The following WDR11 variants were observed in gnomAD, a reference collection of about 807,000 sequenced individuals.
WDR11 encodes the protein WD repeat-containing protein 11.
In WDR11, 83 loss-of-function variants were observed where a neutral mutation model predicts 151.2. That is an observed-to-expected ratio of 0.55 (90% confidence interval 0.46 to 0.66). The LOEUF is 0.66. Ranked by LOEUF, WDR11 falls within the 30% of genes least tolerant of loss-of-function variation. The pLI is 0.00. For missense variants in WDR11, 1,301 were observed against 1,480.9 expected, an observed-to-expected ratio of 0.88 and a Z score of 1.99; for synonymous variants, 484 against 533.1, an observed-to-expected ratio of 0.91 and a Z score of 1.27.
At chr10:120,889,849 G>C in intron 17 of WDR11, 46 bp from the exon 18 acceptor site, 1 of 1,308,214 alleles carries the variant, frequency 7.6e-7, no homozygotes, top group Non-Finnish European at 1.1e-6. Context: ...CTGGTGACCA[G>C]ATCTCACTCT....
chr10:120,868,296 A>G (rs933601943), intron 9 of WDR11, among the ~76,000 whole-genome samples: 1 of 152,026 alleles, frequency 6.6e-6, no homozygotes, highest in Non-Finnish European at 1.5e-5. Context: ...TCTACTAAAA[A>G]TATAAGAATT....
At chr10:120,861,348 G>A (rs1846133093) in intron 4 of WDR11, among the ~76,000 whole-genome samples, 1 of 152,186 alleles carries the variant, frequency 6.6e-6, no homozygotes, top group Non-Finnish European at 1.5e-5. Context: ...TTTTATGTAT[G>A]TAAATGTTTG....
chr10:120,854,653 G>A (rs1337592646), intron 2 of WDR11, among the ~76,000 whole-genome samples: 1 of 152,076 alleles, frequency 6.6e-6, no homozygotes, highest in East Asian at 1.9e-4. Context: ...CCTCACCAAC[G>A]CTTGCTGTTC....
At chr10:120,893,110 C>A (rs1373354404) in intron 19 of WDR11, among the ~76,000 whole-genome samples, 10 of 151,144 alleles carry the variant, frequency 6.6e-5, no homozygotes, top group African/African-American at 2.4e-4. Context: ...GTGTGCTGCA[C>A]CCATTAACTC....
At chr10:120,889,234 A>T (rs1203191804) in intron 17 of WDR11, 50 bp downstream of exon 17, 1 of 998,830 alleles carries the variant, frequency 1.0e-6, no homozygotes, top group Non-Finnish European at 1.5e-6. Flanking sequence ...AAAGAAATGA[A>T]ATCTTTTTGT....
intron 23 of WDR11, among the ~76,000 whole-genome samples, chr10:120,903,717 A>G (rs1847926966): frequency 6.6e-6 from 1 of 152,176 alleles, no homozygotes. Flanking sequence ...ATAAATAACA[A>G]ATACTTTATA....
At chr10:120,886,067 C>A in intron 15 of WDR11, 129 bp downstream of exon 15, 1 of 1,169,346 alleles carries the variant, frequency 8.6e-7, no homozygotes, top group Non-Finnish European at 1.2e-6. Context: ...TTAGTTTCAT[C>A]TTTCAGTACA....
intron 2 of WDR11, among the ~76,000 whole-genome samples, chr10:120,858,192 T>G (rs1234480514): frequency 2.0e-5 from 3 of 152,158 alleles, no homozygotes; most frequent in Non-Finnish European, 4.4e-5. Flanking sequence ...AGCTAGAGTT[T>G]TTTGTTTGAC....
chr10:120,880,003 A>G (rs887636536), intron 12 of WDR11: 5 of 152,198 alleles, frequency 3.3e-5, no homozygotes, highest in Non-Finnish European at 7.3e-5. Flanking sequence ...CCAGTTTATA[A>G]AGATGTTTTG....
At chr10:120,906,298 C>T in intron 27 of WDR11, 4 of 1,315,268 alleles carry the variant, frequency 3.0e-6, no homozygotes, top group Non-Finnish European at 3.9e-6. Context: ...AATTGGGGTC[C>T]ATTCAGCTTT....
intron 27 of WDR11, 65 bp from the exon 28 acceptor site, chr10:120,906,711 C>T (rs1231938176): frequency 1.4e-5 from 22 of 1,613,184 alleles, no homozygotes; most frequent in South Asian, 3.3e-5. Context: ...TTATACCCTT[C>T]GATGCTGCTG....
chr10:120,866,799 T>C (rs747029898), intron 8 of WDR11, 35 bp downstream of exon 8: 2 of 1,609,442 alleles, frequency 1.2e-6, no homozygotes, highest in East Asian at 2.2e-5. Flanking sequence ...TTTTGTTTTT[T>C]GTTTCCTGTT....
chr10:120,865,255 AT>A (rs1846272317), intron 6 of WDR11, 43 bp downstream of exon 6: 1 of 1,588,068 alleles, frequency 6.3e-7, no homozygotes, highest in African/African-American at 1.3e-5. Flanking sequence ...ATTATTAAGA[AT>A]GTTATATTAA....
At chr10:120,861,255 G>C (rs1427641691) in intron 4 of WDR11, among the ~76,000 whole-genome samples, 1 of 152,160 alleles carries the variant, frequency 6.6e-6, no homozygotes, top group Non-Finnish European at 1.5e-5. Flanking sequence ...ACGTGTTAAA[G>C]GAGGAAGAGA....
chr10:120,865,326 T>A, intron 6 of WDR11, 114 bp downstream of exon 6: 1 of 1,114,198 alleles, frequency 9.0e-7, no homozygotes, highest in Non-Finnish European at 1.3e-6. Context: ...CTTTTCAATT[T>A]ATCAAAAGAC....
At chr10:120,876,829 A>C (rs566584152) in intron 11 of WDR11, among the ~76,000 whole-genome samples, 1 of 152,224 alleles carries the variant, frequency 6.6e-6, no homozygotes, top group Non-Finnish European at 1.5e-5. Flanking sequence ...TCTACAGAGT[A>C]AGAAACTGAA....
chr10:120,859,639 A>T (rs1040703793), intron 3 of WDR11, among the ~76,000 whole-genome samples: 2 of 152,128 alleles, frequency 1.3e-5, no homozygotes, highest in African/African-American at 4.8e-5. Context: ...ATGACTATTT[A>T]AAAAATATTT....
chr10:120,859,952 G>GAT (rs1419471387), intron 3 of WDR11, among the ~76,000 whole-genome samples, 157 bp from the exon 4 acceptor site: 1 of 86,760 alleles, frequency 1.2e-5, no homozygotes, highest in African/African-American at 6.9e-5. Context: ...CTGGAATATT[G>GAT]ATACACACAC....
chr10:120,901,274 G>A lies in WDR11; in HGVS notation c.2687+176G>A, dbSNP rs557868019. 3.3e-3 allele frequency among the ~76,000 whole-genome samples: 497 copies of A among 152,312 alleles called. 3 individuals are homozygous for A. Among genetic ancestry groups the A allele is most frequent in the African/African-American group, 0.011 (474 of 41,576 alleles). The stretch of plus-strand genomic sequence containing the variant: ...TTAGAGTCTGTGTTTTGCAGAAAAA[G>A]TACTTATTCAGTAGTTACAGTGACA... On this transcript the variant is annotated intron_variant, in intron 21 of 28. Transcript: ENST00000263461.
Sources: allele counts gnomAD v4.1 joint callset (sites outside exome capture counted in the v4.1 genomes callset), GRCh38; gene constraint gnomAD v4.1.1; transcripts MANE v1.5; gene names NCBI Gene and HGNC (gene_info 2026-07-23, HGNC 2026-07-21).